Variants in FRMPD1 observed in about 807,000 individuals in gnomAD.
FRMPD1 encodes FERM and PDZ domain containing 1, also known as FERM and PDZ domain-containing protein 1.
FRMPD1 carries 76 observed loss-of-function variants against 117.8 expected under a neutral mutation model. The ratio of observed to expected loss-of-function variants is 0.65; its 90% CI spans 0.54 to 0.78. The LOEUF (loss-of-function observed/expected upper bound fraction) is 0.78. Ranked by LOEUF, FRMPD1 falls within the 30% of genes least tolerant of loss-of-function variation. The pLI is 0.00. For missense variants in FRMPD1, 1,786 were observed against 1,964.5 expected (o/e 0.91, Z 1.72); for synonymous variants, 783 against 770.4 (o/e 1.02, Z -0.27).
At chr9:37,637,113 T>C in the FRMPD1 span, 2 of 1,599,476 alleles carry the variant, frequency 1.3e-6, no homozygotes, top group Non-Finnish European at 8.6e-7. Context: ...GTGTCCCAGA[T>C]CTGAAGTTTG....
chr9:37,694,303 AAT>A (rs1478444999), intron 2 of FRMPD1, among the ~76,000 whole-genome samples: 4 of 152,210 alleles, frequency 2.6e-5, no homozygotes, highest in African/African-American at 9.7e-5. Flanking sequence ...TTATGCATGT[AAT>A]ACAGATTAAA....
the FRMPD1 span, among the ~76,000 whole-genome samples, chr9:37,613,004 G>A: frequency 1.3e-4 from 20 of 152,320 alleles, no homozygotes; most frequent in African/African-American, 4.3e-4. Flanking sequence ...GGCTAGAGCA[G>A]TTCAACTACC....
chr9:37,648,981 G>C (rs1820588523), upstream of FRMPD1, among the ~76,000 whole-genome samples: 1 of 152,090 alleles, frequency 6.6e-6, no homozygotes, highest in South Asian at 2.1e-4. Flanking sequence ...AATGGTAAAG[G>C]AGGCTGAGGG....
In FRMPD1 at chr9:37,740,321, G is replaced by T. The variant is rs540607464; in HGVS notation, c.1793G>T (p.Arg598Leu). Reference sequence around the variant, plus strand: ...TCCGACTCAGCCAACACTGAGAGCCGCGGCTACAGGACCAGTGGCTCGAGT... The same window carrying T: ...TCCGACTCAGCCAACACTGAGAGCCTCGGCTACAGGACCAGTGGCTCGAGT... ...EASDSANTESRGYRTSGSSES... is the reference protein window; with the variant it reads ...EASDSANTESLGYRTSGSSES... Residue 598 changes from arginine to leucine, a missense_variant, in exon 15 of 16, where the codon CGC becomes CTC. Transcript: ENST00000377765. The surrounding 1 kb of genome is among the most constrained non-coding windows in gnomAD (Gnocchi z 4.2). The T allele has an allele frequency of 6.2e-7, 1 of 1,613,812 alleles. No homozygotes were observed. Among genetic ancestry groups the T allele is most frequent in the South Asian group, 1.1e-5 (1 of 91,080 alleles).
chr9:37,743,781 C>T (rs1824539923), intron 15 of FRMPD1, among the ~76,000 whole-genome samples: 1 of 151,256 alleles, frequency 6.6e-6, no homozygotes, highest in Non-Finnish European at 1.5e-5. Flanking sequence ...TCCTATAATC[C>T]AAGCACCTTG....
chr9:37,735,530 A>G, intron 12 of FRMPD1, 22 bp from the exon 13 acceptor site: 1 of 1,584,948 alleles, frequency 6.3e-7, no homozygotes, highest in Non-Finnish European at 8.7e-7. Flanking sequence ...ATGGAGACTA[A>G]TTCCCCTTCC....
the FRMPD1 span, among the ~76,000 whole-genome samples, chr9:37,609,629 G>C: frequency 1.3e-5 from 2 of 152,062 alleles, no homozygotes; most frequent in African/African-American, 4.8e-5. Flanking sequence ...GTAACCTTCC[G>C]CCCTCACCCC....
the FRMPD1 span, among the ~76,000 whole-genome samples, chr9:37,631,465 G>A: frequency 1.7e-3 from 266 of 152,342 alleles, no homozygotes; most frequent in Non-Finnish European, 3.2e-3. Flanking sequence ...AACTGATTAA[G>A]GGAAGCATGG....
intron 15 of FRMPD1, among the ~76,000 whole-genome samples, chr9:37,741,943 C>A (rs576465815): frequency 6.6e-6 from 1 of 152,204 alleles, no homozygotes; most frequent in Non-Finnish European, 1.5e-5. Context: ...GCAAGTCTCC[C>A]CATCTCTGTC....
At chr9:37,618,645 T>A in the FRMPD1 span, among the ~76,000 whole-genome samples, 1 of 152,178 alleles carries the variant, frequency 6.6e-6, no homozygotes, top group Non-Finnish European at 1.5e-5. Context: ...GTTTTTTTCT[T>A]CCAATCATAC....
At chr9:37,632,955 A>G in the FRMPD1 span, among the ~76,000 whole-genome samples, 1 of 147,586 alleles carries the variant, frequency 6.8e-6, no homozygotes, top group Non-Finnish European at 1.5e-5. Context: ...AAAAATATAT[A>G]CATATATTTC....
Position 37,711,408 on chromosome 9 carries a change from C to T in FRMPD1, c.408+13C>T, listed in dbSNP as rs998718026. ...TCGCTGCACGTCGGTAAATCTCTTT[C>T]TATGTCCTGTGTGTTAGTTTCACCA... On this transcript the variant is annotated intron_variant, in intron 5 of 15. Transcript: ENST00000377765. The T allele has an allele frequency of 2.5e-6, 4 of 1,584,028 alleles. No homozygotes were observed. Among genetic ancestry groups the T allele is most frequent in the Non-Finnish European group, 3.5e-6 (4 of 1,152,512 alleles).
the FRMPD1 span, among the ~76,000 whole-genome samples, chr9:37,633,700 CA>C: frequency 6.6e-6 from 1 of 151,968 alleles, no homozygotes; most frequent in African/African-American, 2.4e-5. Flanking sequence ...TCTCTACAAA[CA>C]AACAAAAAAA....
At chr9:37,657,808 G>T (rs1213064863) in intron 1 of FRMPD1, among the ~76,000 whole-genome samples, 1 of 152,056 alleles carries the variant, frequency 6.6e-6, no homozygotes, top group Non-Finnish European at 1.5e-5. Flanking sequence ...AAGACTGCCA[G>T]CTCCGGAGAT....
chr9:37,675,966 T>G lies in FRMPD1; in HGVS notation c.-4-16672T>G, dbSNP rs551841140. ...ATTCTCTTCTGAGAGATCATCTCTC[T>G]AATCCTTAAAAGAGGTATCATTGCT... is the stretch of plus-strand genomic sequence containing the variant. On this transcript the variant is annotated intron_variant, in intron 1 of 15. Transcript: ENST00000377765. Among the ~76,000 whole-genome samples, 55 of 152,346 alleles carry G rather than the reference T, an allele frequency of 3.6e-4. 2 individuals are homozygous for G. The South Asian group carries it at 0.011, about 30-fold the overall frequency.
At chr9:37,613,302 A>G in the FRMPD1 span, among the ~76,000 whole-genome samples, 1 of 152,342 alleles carries the variant, frequency 6.6e-6, no homozygotes, top group East Asian at 1.9e-4. Context: ...AGCACTGCAG[A>G]TACAACAGAT....
the FRMPD1 span, among the ~76,000 whole-genome samples, chr9:37,625,527 A>T: frequency 6.6e-6 from 1 of 152,316 alleles, no homozygotes; most frequent in East Asian, 1.9e-4. Flanking sequence ...CAGCACAAAT[A>T]AATGAAGCCA....
the FRMPD1 span, among the ~76,000 whole-genome samples, chr9:37,635,492 A>T: frequency 1.3e-5 from 2 of 151,994 alleles, no homozygotes; most frequent in Non-Finnish European, 2.9e-5. Context: ...AAATTTATTA[A>T]TTTTTTTGTC....
intron 5 of FRMPD1, among the ~76,000 whole-genome samples, chr9:37,717,369 G>GTGTGTGTT: frequency 1.1e-5 from 1 of 94,134 alleles, no homozygotes; most frequent in East Asian, 2.5e-4. Flanking sequence ...GTGTGTGTGT[G>GTGTGTGTT]TATATATATA....
Sources: gnomAD v4.1 joint callset for allele counts (sites outside exome capture counted in the v4.1 genomes callset) on GRCh38, gnomAD v4.1.1 for gene constraint, Gnocchi (gnomAD v3.1) non-coding constraint, MANE v1.5 for transcripts, NCBI Gene and HGNC (gene_info 2026-07-23, HGNC 2026-07-21) for gene names.